The following ZKSCAN5 variants were observed in gnomAD, a reference collection of about 807,000 sequenced individuals.
ZKSCAN5 encodes the protein zinc finger with KRAB and SCAN domains 5.
In ZKSCAN5, 28 loss-of-function variants were observed where a neutral mutation model predicts 60.0. The observed-to-expected ratio is 0.47, with a 90% CI of 0.35 to 0.64. The LOEUF (loss-of-function observed/expected upper bound fraction) is 0.64, where lower values mean the gene tolerates loss of function less well. Among genes scored for constraint, ZKSCAN5 ranks in the 30% least tolerant of loss-of-function variants. The probability of loss-of-function intolerance (pLI) is 0.01; values close to 1 mark genes in which losing one functional copy is unlikely to be tolerated. For synonymous variants in ZKSCAN5, 361 were observed against 371.2 expected, an observed-to-expected ratio of 0.97 and a Z score of 0.31; for missense variants, 881 against 1,034.6, an observed-to-expected ratio of 0.85 and a Z score of 2.04.
chr7:99,532,134 A>G lies in ZKSCAN5; in HGVS notation c.2405A>G (p.Gln802Arg). 1 of 1,614,060 alleles carries G rather than the reference A, an allele frequency of 6.2e-7. No homozygotes were observed. Among genetic ancestry groups the G allele is most frequent in the South Asian group, 1.1e-5 (1 of 91,088 alleles). The change falls in exon 7 of 7, where the codon CAA (glutamine) becomes CGA (arginine). Residue 802 changes from glutamine (Q) to arginine (R), a missense_variant. Gln to Arg is a conservative substitution (Grantham distance 43). Coordinates refer to ENST00000326775, the MANE Select transcript of ZKSCAN5 (RefSeq NM_145102.4). ...ATCCATACTGGTGAGAAACCTTTTC[A>G]ATGTAAAGAATGTGGAATGAATTTC... Reference protein sequence around the residue: ...QRIHTGEKPFQCKECGMNFSW... With the variant: ...QRIHTGEKPFRCKECGMNFSW...
In ZKSCAN5 at chr7:99,531,843, T is replaced by C; in HGVS notation, c.2114T>C (p.Ile705Thr). Reference protein sequence around the residue: ...EEAYSWNLTVIEDKKIELQEQ... With the variant: ...EEAYSWNLTVTEDKKIELQEQ... Reference sequence around the variant, plus strand: ...GCATATAGTTGGAACTTGACAGTGATTGAAGACAAGAAGATTGAGTTACAA... The same window carrying C: ...GCATATAGTTGGAACTTGACAGTGACTGAAGACAAGAAGATTGAGTTACAA... Residue 705 changes from isoleucine to threonine, a missense_variant, in exon 7 of 7, where the codon ATT (isoleucine) becomes ACT (threonine). Coordinates refer to ENST00000326775, the MANE Select transcript of ZKSCAN5 (RefSeq NM_145102.4). The C allele has an allele frequency of 6.2e-7, 1 of 1,614,228 alleles. No individual in the cohort carries two copies. Among genetic ancestry groups the C allele is most frequent in the Non-Finnish European group, 8.5e-7 (1 of 1,180,042 alleles).
intron 6 of ZKSCAN5, among the ~76,000 whole-genome samples, chr7:99,530,430 A>AT (rs1413302602): frequency 1.3e-5 from 2 of 151,300 alleles, no homozygotes; most frequent in African/African-American, 2.4e-5. Flanking sequence ...GATGTTCAGC[A>AT]TTTTTTTCAT....
rs368728415 is a variant in ZKSCAN5 at position 99,526,438 on chromosome 7, A to G, written c.1378+20A>G. 8 of 1,584,586 alleles carry G rather than the reference A, an allele frequency of 5.0e-6. 1 individual carries two copies. The East Asian group carries it at 1.1e-4, about 22-fold the overall frequency. On this transcript the variant is annotated intron_variant, in intron 6 of 6. Transcript: ENST00000326775. ...AGAGATGTACGTGTGAGGAGTTTATATCCGGGGGATAAATGGAGGCGAAAA... is the reference window on the plus strand; with the variant it reads ...AGAGATGTACGTGTGAGGAGTTTATGTCCGGGGGATAAATGGAGGCGAAAA...
chr7:99,514,302 A>C (rs556911185), intron 3 of ZKSCAN5, among the ~76,000 whole-genome samples: 1 of 152,302 alleles, frequency 6.6e-6, no homozygotes, highest in East Asian at 1.9e-4. Flanking sequence ...AATCTCTGTT[A>C]CACTTTCAGT....
intron 2 of ZKSCAN5, among the ~76,000 whole-genome samples, chr7:99,507,523 G>GTATATATATGTATATATAGGTATA (rs1351822202): frequency 7.5e-6 from 1 of 133,820 alleles, no homozygotes; most frequent in Admixed American, 7.4e-5. Context: ...GTGTATATAT[G>GTATATATATGTATATATAGGTATA]TATATGTGTA....
intron 5 of ZKSCAN5, among the ~76,000 whole-genome samples, 177 bp from the exon 6 acceptor site, chr7:99,525,636 C>A (rs1196011732): frequency 6.6e-6 from 1 of 151,952 alleles, no homozygotes; most frequent in Non-Finnish European, 1.5e-5. Context: ...GCTCTTCCTT[C>A]CCTAACCTCC....
chr7:99,517,925 G>A (rs1423104523), intron 3 of ZKSCAN5, among the ~76,000 whole-genome samples: 1 of 152,160 alleles, frequency 6.6e-6, no homozygotes, highest in Non-Finnish European at 1.5e-5. Context: ...CGTGGGTTGG[G>A]CAAGCTTGCA....
chr7:99,533,743 G>A lies in ZKSCAN5; in HGVS notation c.*1494G>A, dbSNP rs542985928. The stretch of plus-strand genomic sequence containing the variant: ...CTAGACTTTTTCTGAGCCTTCATCC[G>A]TGCTAAGCTCTCTCCCTTCTCTATC... On this transcript the variant is annotated 3_prime_UTR_variant, in exon 7 of 7. Coordinates refer to ENST00000326775, the MANE Select transcript of ZKSCAN5 (RefSeq NM_145102.4). 5.5e-5 allele frequency: 22 copies of A among 398,240 alleles called. No individual in the cohort carries two copies. In the South Asian group the frequency reaches 6.8e-4, roughly 12 times the overall value. 24.7% of individuals were successfully genotyped at this position (398,240 alleles called of 1,614,324 possible).
At chr7:99,507,159 A>G (rs1421702344) in intron 2 of ZKSCAN5, among the ~76,000 whole-genome samples, 2 of 152,106 alleles carry the variant, frequency 1.3e-5, no homozygotes, top group African/African-American at 2.4e-5. Flanking sequence ...AAGCATATAT[A>G]CGTCTCATAC....
At chr7:99,508,425 A>G (rs1453365662) in intron 2 of ZKSCAN5, among the ~76,000 whole-genome samples, 1 of 151,904 alleles carries the variant, frequency 6.6e-6, no homozygotes, top group African/African-American at 2.4e-5. Context: ...TGGTAGAACA[A>G]TGTTATCAAA....
chr7:99,532,812 T>C lies in ZKSCAN5; in HGVS notation c.*563T>C, dbSNP rs1228886437. ...AAGAAATGGACTTAAAGTATCTCTG[T>C]TTTGGCAAAATTCAGGTTCAGGGGC... On this transcript the variant is annotated 3_prime_UTR_variant, in exon 7 of 7. Coordinates refer to ENST00000326775, the MANE Select transcript of ZKSCAN5 (RefSeq NM_145102.4). 2.6e-5 allele frequency: 4 copies of C among 155,048 alleles called. No homozygotes were observed. The highest frequency in any genetic ancestry group is 6.3e-5 in the Admixed American group (1 of 15,788). 9.6% of individuals were successfully genotyped at this position (155,048 alleles called of 1,614,324 possible). A position where few individuals can be genotyped will look rare whatever the true frequency, so the allele number is the denominator to read the frequency against.
intron 3 of ZKSCAN5, 102 bp downstream of exon 3, chr7:99,512,693 C>T: frequency 7.0e-7 from 1 of 1,436,156 alleles, no homozygotes; most frequent in Non-Finnish European, 9.3e-7. Context: ...GCTGAGCAGC[C>T]TCTCTACAGC....
At position 99,531,465 on chromosome 7, in the gene ZKSCAN5, G is replaced by A; in HGVS notation, c.1736G>A (p.Cys579Tyr). 1 of 1,614,220 alleles carries A rather than the reference G, an allele frequency of 6.2e-7. No homozygotes were observed. Among genetic ancestry groups the A allele is most frequent in the Non-Finnish European group, 8.5e-7 (1 of 1,180,032 alleles). The change falls in exon 7 of 7, where the codon TGT becomes TAT. Residue 579 changes from cysteine to tyrosine, a missense_variant. Physicochemically the swap from Cys to Tyr is radical, Grantham distance 194. Around this residue, in one of 5 missense-constraint regions of ZKSCAN5, gnomAD observed 112 missense variants for 182.4 expected, o/e 0.61. Transcript: ENST00000326775. ...CACACTGGGGAGAAACCATTCAGGT[G>A]TGAGGAATGTGGGAAAAGCTACAAC... is the stretch of plus-strand genomic sequence containing the variant. Reference protein sequence around the residue: ...RIHTGEKPFRCEECGKSYNQR... With the variant: ...RIHTGEKPFRYEECGKSYNQR...
chr7:99,528,178 C>T (rs1408828897), intron 6 of ZKSCAN5, among the ~76,000 whole-genome samples: 1 of 150,060 alleles, frequency 6.7e-6, no homozygotes, highest in Non-Finnish European at 1.5e-5. Context: ...CTGCATCTTC[C>T]ACCATGGCAC....
chr7:99,526,090 T>C lies in ZKSCAN5; in HGVS notation c.1050T>C (p.Asp350=). 3 of 1,614,168 alleles carry C rather than the reference T, an allele frequency of 1.9e-6. No individual in the cohort carries two copies. Among genetic ancestry groups the C allele is most frequent in the Non-Finnish European group, 1.7e-6 (2 of 1,180,038 alleles). ...THGERGHRCS[D]CGKFFLQASN... ...GCGAGAGAGGGCACAGATGCAGCGA[T>C]TGTGGCAAATTCTTCCTCCAAGCCT... The change falls in exon 6 of 7, where the codon GAT becomes GAC. Residue 350 remains aspartate (D), a synonymous_variant. Transcript: ENST00000326775.
In ZKSCAN5 at chr7:99,526,196, C is replaced by T. The variant is rs1801780039; in HGVS notation, c.1156C>T (p.Arg386Trp). 5 of 1,614,040 alleles carry T rather than the reference C, an allele frequency of 3.1e-6. No homozygotes were observed. The highest frequency in any genetic ancestry group is 1.3e-5 in the African/African-American group (1 of 74,912). The change falls in exon 6 of 7, where the codon CGG (arginine) becomes TGG (tryptophan). Residue 386 changes from arginine to tryptophan, a missense_variant. Physicochemically the swap from Arg to Trp is moderately radical, Grantham distance 101. Transcript: ENST00000326775. ...AGAATGTGGGAAGAGCTACAATCAGCGGGTGCACCTCACCCAGCACCAGCG... is the reference window on the plus strand; with the variant it reads ...AGAATGTGGGAAGAGCTACAATCAGTGGGTGCACCTCACCCAGCACCAGCG... ...CGECGKSYNQ[R>W]VHLTQHQRVH...
At chr7:99,526,992 TTC>T (rs1054887808) in intron 6 of ZKSCAN5, among the ~76,000 whole-genome samples, 18 of 152,330 alleles carry the variant, frequency 1.2e-4, no homozygotes, top group African/African-American at 3.6e-4. Flanking sequence ...TTATATGCTT[TTC>T]TCTCTTTCCC....
At chr7:99,518,683 T>G (rs1225901978) in intron 3 of ZKSCAN5, among the ~76,000 whole-genome samples, 3 of 145,868 alleles carry the variant, frequency 2.1e-5, no homozygotes, top group Non-Finnish European at 4.5e-5. Flanking sequence ...TTTTTTTTTT[T>G]TTTTTTTTTT....
intron 6 of ZKSCAN5, 30 bp from the exon 7 acceptor site, chr7:99,531,078 A>T: frequency 6.5e-7 from 1 of 1,541,740 alleles, no homozygotes. Context: ...AGAACTGATG[A>T]CATTTTCACT....
Sources: gnomAD v4.1 joint callset for allele counts (sites outside exome capture counted in the v4.1 genomes callset) on GRCh38, gnomAD v4.1.1 for gene constraint, gnomAD v4.1.1 regional missense constraint, MANE v1.5 for transcripts, NCBI Gene and HGNC (gene_info 2026-07-23, HGNC 2026-07-21) for gene names.